PACC1: variants seen among roughly 807,000 people sequenced by gnomAD.
The protein encoded by PACC1 is proton-activated chloride channel.
PACC1 carries 34 observed loss-of-function variants against 39.7 expected under a neutral mutation model. The observed-to-expected ratio is 0.86, with a 90% CI of 0.65 to 1.14. The LOEUF is 1.14. Ranked by LOEUF, PACC1 falls within the 50% of genes most tolerant of loss-of-function variation. The pLI is 0.00. For missense variants in PACC1, 379 were observed against 436.4 expected, an observed-to-expected ratio of 0.87 and a Z score of 1.17; for synonymous variants, 127 against 160.6, an observed-to-expected ratio of 0.79 and a Z score of 1.58.
chr1:212,385,355 CAG>C lies in PACC1; in HGVS notation c.412_413del (p.Leu138AspfsTer8). 1.2e-6 allele frequency: 2 copies of C among 1,614,074 alleles called. No homozygotes were observed. Among genetic ancestry groups the C allele is most frequent in the Non-Finnish European group, 1.7e-6 (2 of 1,180,020 alleles). ...TGTCACCCGGCTGGCCAGGGCTTGT[CAG>C]AGGAGGAATGACCTCGTAATGGTGC... ...CKHHYEVIPP[L>X]TSPGQPGDMN... On this transcript the variant is annotated frameshift_variant, in exon 4 of 8. Transcript: ENST00000261455. LOFTEE classifies it high-confidence loss of function.
At position 212,379,919 on chromosome 1, in the gene PACC1, G is replaced by A. The variant is rs1660813280; in HGVS notation, c.614C>T (p.Ser205Phe). The change falls in exon 5 of 8, where the codon TCT becomes TTT. Residue 205 changes from serine (S) to phenylalanine (F), a missense_variant. Ser to Phe is a radical substitution (Grantham distance 155). Transcript: ENST00000261455. The stretch of plus-strand genomic sequence containing the variant: ...CCTTTGCAGGAACTCCTGGAAAGAA[G>A]AGAAGAGGAGGTAATCAATGGCGCT... ...DFSAIDYLLF[S>F]SFQEFLQSPN... 2 of 1,614,248 alleles carry A rather than the reference G, an allele frequency of 1.2e-6. No individual in the cohort carries two copies. The highest frequency in any genetic ancestry group is 2.2e-5 in the East Asian group (1 of 44,886).
chr1:212,409,802 A>C (rs1193931644), intron 2 of PACC1, among the ~76,000 whole-genome samples: 1 of 152,216 alleles, frequency 6.6e-6, no homozygotes, highest in African/African-American at 2.4e-5. Context: ...GGCTGAAGCA[A>C]GGGAGCAGGC....
At chr1:212,383,381 T>TA (rs1478132588) in intron 4 of PACC1, among the ~76,000 whole-genome samples, 3 of 152,180 alleles carry the variant, frequency 2.0e-5, no homozygotes, top group Non-Finnish European at 2.9e-5. Flanking sequence ...AATAGGCACC[T>TA]AGTGGGACGG....
chr1:212,386,808 A>G lies in PACC1; in HGVS notation c.343+83T>C. The G allele has an allele frequency of 7.2e-7, 1 of 1,396,888 alleles. No homozygotes were observed. The highest frequency in any genetic ancestry group is 1.0e-6 in the Non-Finnish European group (1 of 990,622). 86.5% of individuals were successfully genotyped at this position (1,396,888 alleles called of 1,614,324 possible). A position where few individuals can be genotyped will look rare whatever the true frequency, so the allele number is the denominator to read the frequency against. Reference sequence around the variant, plus strand: ...CCTCTGCCCTGCCCGTAGTACCACAAATACAACGGCAGCTCAGGGAGTATC... The same window carrying G: ...CCTCTGCCCTGCCCGTAGTACCACAGATACAACGGCAGCTCAGGGAGTATC... On this transcript the variant is annotated intron_variant, in intron 3 of 7. Coordinates refer to ENST00000261455, the MANE Select transcript of PACC1 (RefSeq NM_018252.3). This position sits in a 1 kb window ranked among gnomAD's most constrained non-coding sequence, Gnocchi z 5.0.
chr1:212,370,171 AAAAC>A, intron 7 of PACC1, among the ~76,000 whole-genome samples: 1 of 152,350 alleles, frequency 6.6e-6, no homozygotes, highest in African/African-American at 2.4e-5. Context: ...TGACATTTAC[AAAAC>A]ATTTCATCTG....
chr1:212,393,895 T>G (rs1323639152), intron 2 of PACC1, among the ~76,000 whole-genome samples: 2 of 151,976 alleles, frequency 1.3e-5, no homozygotes. Flanking sequence ...AGGAAGAAGT[T>G]GAATCTCTGA....
chr1:212,374,858 C>G (rs989320688), intron 7 of PACC1, among the ~76,000 whole-genome samples: 1 of 152,152 alleles, frequency 6.6e-6, no homozygotes, highest in African/African-American at 2.4e-5. Context: ...ATTCAACGAA[C>G]ATTACTACTA....
rs113833289 is a variant in PACC1, at chr1:212,389,577, G to C, written c.134-2477C>G. On this transcript the variant is annotated intron_variant, in intron 2 of 7. Transcript: ENST00000261455. ...AATGTGACCTGTACTCAAGAAAAAA[G>C]CAATCTATAGAAACCAACACCAAGA... Among the ~76,000 whole-genome samples the C allele has an allele frequency of 9.8e-3, 1,485 of 152,108 alleles. 13 individuals are homozygous for C. Among genetic ancestry groups the C allele is most frequent in the Non-Finnish European group, 0.016 (1,097 of 67,978 alleles).
intron 1 of PACC1, 125 bp from the exon 2 acceptor site, chr1:212,410,646 G>T: frequency 1.2e-6 from 1 of 842,056 alleles, no homozygotes; most frequent in Non-Finnish European, 2.0e-6. Flanking sequence ...GACATAGAGT[G>T]TGTTACAGCA....
At chr1:212,385,209 G>A in intron 4 of PACC1, 65 bp downstream of exon 4, 2 of 1,591,018 alleles carry the variant, frequency 1.3e-6, no homozygotes, top group Non-Finnish European at 1.7e-6. Flanking sequence ...AAGGAAACTT[G>A]GGGCCTTGGG....
At position 212,396,726 on chromosome 1, in the gene PACC1, C is replaced by A. The variant is rs79156695; in HGVS notation, c.134-9626G>T. The stretch of plus-strand genomic sequence containing the variant: ...TAAAAAAAAAAAAAAAAAACCATCC[C>A]GAGGCAAATAATAATCAAAGTGCTA... On this transcript the variant is annotated intron_variant, in intron 2 of 7. Coordinates refer to ENST00000261455, the MANE Select transcript of PACC1 (RefSeq NM_018252.3). 8.1e-4 allele frequency among the ~76,000 whole-genome samples: 120 copies of A among 148,856 alleles called. 2 individuals carry two copies. In the East Asian group the frequency reaches 0.022, roughly 27 times the overall value.
At chr1:212,382,363 A>G (rs1398969699) in intron 4 of PACC1, among the ~76,000 whole-genome samples, 1 of 152,202 alleles carries the variant, frequency 6.6e-6, no homozygotes, top group African/African-American at 2.4e-5. Flanking sequence ...TGGTTGCAAA[A>G]AAAATCAAAA....
At chr1:212,375,028 T>C (rs1250144490) in intron 7 of PACC1, among the ~76,000 whole-genome samples, 165 bp downstream of exon 7, 3 of 152,156 alleles carry the variant, frequency 2.0e-5, no homozygotes, top group Non-Finnish European at 4.4e-5. Flanking sequence ...ACAAGCTGAT[T>C]TGTGCTATGA....
chr1:212,365,343 G>A lies in PACC1; in HGVS notation c.925C>T (p.Leu309Phe), dbSNP rs1196004170. The A allele has an allele frequency of 3.1e-6, 5 of 1,612,168 alleles. No individual in the cohort carries two copies. The highest frequency in any genetic ancestry group is 4.2e-6 in the Non-Finnish European group (5 of 1,179,314). Residue 309 changes from leucine to phenylalanine, a missense_variant, in exon 8 of 8, where the codon CTT (leucine) becomes TTT (phenylalanine). Coordinates refer to ENST00000261455, the MANE Select transcript of PACC1 (RefSeq NM_018252.3). ...VTANPWNTIA[L>F]LCGAFLALFK... ...AATGCCAAGAAGGCGCCACAGAGAA[G>A]AGCAATTGTGTTCCAAGGATTGGCA...
chr1:212,392,648 T>A (rs1435359183), intron 2 of PACC1, among the ~76,000 whole-genome samples: 1 of 152,128 alleles, frequency 6.6e-6, no homozygotes, highest in South Asian at 2.1e-4. Flanking sequence ...GACTGGCAAA[T>A]TGGATAGTCA....
intron 2 of PACC1, among the ~76,000 whole-genome samples, chr1:212,403,639 A>T (rs1482433567): frequency 6.6e-6 from 1 of 152,130 alleles, no homozygotes; most frequent in Non-Finnish European, 1.5e-5. Flanking sequence ...ATCTCAGCTC[A>T]CTGCAACCTC....
At chr1:212,369,203 T>TA (rs1304583964) in intron 7 of PACC1, among the ~76,000 whole-genome samples, 1 of 152,108 alleles carries the variant, frequency 6.6e-6, no homozygotes, top group Non-Finnish European at 1.5e-5. Context: ...TTATAAGCCT[T>TA]ATGGTAACCA....
At chr1:212,371,794 C>T (rs1252082202) in intron 7 of PACC1, among the ~76,000 whole-genome samples, 3 of 152,046 alleles carry the variant, frequency 2.0e-5, no homozygotes, top group Non-Finnish European at 4.4e-5. Flanking sequence ...TATCAGCCAA[C>T]CAAATTCAAT....
In PACC1 at chr1:212,414,794, C is replaced by G. The variant is rs1456359826; in HGVS notation, c.-37G>C. ...GAGCTTCGGCACACCTGAGACCGCC[C>G]CAGCCCGCGGCGCACGGACGCAGCA... is the stretch of plus-strand genomic sequence containing the variant. On this transcript the variant is annotated 5_prime_UTR_variant, in exon 1 of 8. Transcript: ENST00000261455. 6.2e-7 allele frequency: 1 copy of G among 1,608,984 alleles called. No homozygotes were observed. Among genetic ancestry groups the G allele is most frequent in the African/African-American group, 1.3e-5 (1 of 74,766 alleles).
Sources: allele counts gnomAD v4.1 joint callset (sites outside exome capture counted in the v4.1 genomes callset), GRCh38; gene constraint gnomAD v4.1.1; non-coding constraint Gnocchi (gnomAD v3.1); transcripts MANE v1.5; gene names NCBI Gene and HGNC (gene_info 2026-07-23, HGNC 2026-07-21).